The following CPPED1 variants were observed in gnomAD, a reference collection of about 807,000 sequenced individuals.
CPPED1 encodes calcineurin like phosphoesterase domain containing 1.
A neutral mutation model predicts 28.0 loss-of-function variants in CPPED1; 28 were observed. That is an observed-to-expected ratio of 1.00 (90% CI 0.74 to 1.37). The LOEUF is 1.37. Among genes scored for constraint, CPPED1 ranks in the 40% most tolerant of loss-of-function variants. CPPED1 has a pLI of 0.00. For synonymous variants in CPPED1, 198 were observed against 180.2 expected, an observed-to-expected ratio of 1.10 and a Z score of -0.79; for missense variants, 504 against 416.5, an observed-to-expected ratio of 1.21 and a Z score of -1.83.
At chr16:12,687,206 C>G (rs1048022098) in intron 3 of CPPED1, among the ~76,000 whole-genome samples, 3 of 151,968 alleles carry the variant, frequency 2.0e-5, no homozygotes, top group African/African-American at 7.3e-5. Flanking sequence ...ATTATTTTTT[C>G]ATGTTTTGAG....
chr16:12,724,161 T>C (rs2080156958), intron 2 of CPPED1, among the ~76,000 whole-genome samples: 1 of 152,172 alleles, frequency 6.6e-6, no homozygotes. Context: ...AGACACCTCC[T>C]GTGTTCACAG....
At chr16:12,801,767 T>A (rs2080661153) in intron 1 of CPPED1, among the ~76,000 whole-genome samples, 1 of 152,166 alleles carries the variant, frequency 6.6e-6, no homozygotes, top group Non-Finnish European at 1.5e-5. Flanking sequence ...AGGATGATTT[T>A]AAAAAGGGTT....
intron 2 of CPPED1, among the ~76,000 whole-genome samples, chr16:12,774,896 A>G (rs923159241): frequency 6.6e-6 from 1 of 152,162 alleles, no homozygotes; most frequent in Non-Finnish European, 1.5e-5. Context: ...ATCACGGCTC[A>G]CTGAAGCTTG....
chr16:12,681,728 A>G (rs979990944), intron 3 of CPPED1, among the ~76,000 whole-genome samples: 8 of 152,114 alleles, frequency 5.3e-5, no homozygotes, highest in African/African-American at 1.9e-4. Flanking sequence ...GAAGAGGTTC[A>G]GTGGTCACAG....
intron 3 of CPPED1, among the ~76,000 whole-genome samples, chr16:12,678,538 C>T (rs2079889659): frequency 6.6e-6 from 1 of 152,174 alleles, no homozygotes; most frequent in South Asian, 2.1e-4. Flanking sequence ...TGAACATGGT[C>T]TACTTTTCCA....
At chr16:12,743,406 G>C (rs1437749315) in intron 2 of CPPED1, among the ~76,000 whole-genome samples, 1 of 152,142 alleles carries the variant, frequency 6.6e-6, no homozygotes, top group Non-Finnish European at 1.5e-5. Context: ...CTATCTTTAT[G>C]ACCTCAGGAT....
chr16:12,771,736 G>A (rs547588221), intron 2 of CPPED1, among the ~76,000 whole-genome samples: 1 of 152,264 alleles, frequency 6.6e-6, no homozygotes, highest in East Asian at 1.9e-4. Flanking sequence ...AAAACAAAGG[G>A]CTTTATTCTT....
intron 2 of CPPED1, among the ~76,000 whole-genome samples, chr16:12,755,133 G>C (rs1342294759): frequency 6.6e-6 from 1 of 152,142 alleles, no homozygotes; most frequent in Non-Finnish European, 1.5e-5. Flanking sequence ...TGGACATAAA[G>C]TGGCAAAAAT....
intron 2 of CPPED1, among the ~76,000 whole-genome samples, chr16:12,726,384 C>A (rs1053089647): frequency 6.9e-6 from 1 of 145,698 alleles, no homozygotes; most frequent in African/African-American, 2.6e-5. Context: ...ACTCTGTTGC[C>A]CAGGCTGGAG....
chr16:12,777,077 G>C (rs990478003), intron 2 of CPPED1, among the ~76,000 whole-genome samples: 1 of 152,156 alleles, frequency 6.6e-6, no homozygotes, highest in Admixed American at 6.5e-5. Flanking sequence ...ACTAAAGCAG[G>C]CTTGCCTCCC....
At chr16:12,754,266 G>C (rs566515830) in intron 2 of CPPED1, among the ~76,000 whole-genome samples, 3 of 152,206 alleles carry the variant, frequency 2.0e-5, no homozygotes, top group African/African-American at 4.8e-5. Flanking sequence ...AGAACATTTC[G>C]ACAGAGTGTT....
chr16:12,721,749 G>A (rs1215262517), intron 2 of CPPED1, among the ~76,000 whole-genome samples: 1 of 145,620 alleles, frequency 6.9e-6, no homozygotes, highest in Non-Finnish European at 1.5e-5. Flanking sequence ...GCAAGATTCC[G>A]TCTTAAAAAA....
chr16:12,667,814 A>G (rs549921189), intron 3 of CPPED1, among the ~76,000 whole-genome samples: 2 of 152,294 alleles, frequency 1.3e-5, no homozygotes, highest in African/African-American at 4.8e-5. Flanking sequence ...AGGAGAAAAT[A>G]ATAGTGAGAA....
chr16:12,751,934 T>C (rs994046216), intron 2 of CPPED1, among the ~76,000 whole-genome samples: 2 of 152,144 alleles, frequency 1.3e-5, no homozygotes, highest in African/African-American at 4.8e-5. Context: ...ATAAAATAAA[T>C]GAGAAATGTC....
chr16:12,664,735 G>A lies in CPPED1; in HGVS notation c.*151C>T. 2 of 1,484,324 alleles carry A rather than the reference G, an allele frequency of 1.3e-6. No homozygotes were observed. Among genetic ancestry groups the A allele is most frequent in the Non-Finnish European group, 1.8e-6 (2 of 1,130,000 alleles). 91.9% of individuals were successfully genotyped at this position (1,484,324 alleles called of 1,614,324 possible). ...TATTTTGAATATAATTCAGGACAGG[G>A]CCCCAGCTCTCTGATTTATGCAAAA... On this transcript the variant is annotated 3_prime_UTR_variant, in exon 4 of 4. Coordinates refer to ENST00000381774, the MANE Select transcript of CPPED1 (RefSeq NM_018340.3). The surrounding 1 kb of genome is among the most constrained non-coding windows in gnomAD (Gnocchi z 4.2).
chr16:12,751,536 C>T (rs150246443), intron 2 of CPPED1, among the ~76,000 whole-genome samples: 101 of 152,270 alleles, frequency 6.6e-4, no homozygotes, highest in African/African-American at 2.3e-3. Flanking sequence ...CTCCTGCAGC[C>T]ATTTTGTAAG....
At chr16:12,685,910 G>C (rs1200128344) in intron 3 of CPPED1, among the ~76,000 whole-genome samples, 1 of 152,190 alleles carries the variant, frequency 6.6e-6, no homozygotes, top group African/African-American at 2.4e-5. Context: ...CAATGTGAAT[G>C]AATGTGACGT....
At chr16:12,712,364 T>C (rs969697546) in intron 2 of CPPED1, among the ~76,000 whole-genome samples, 1 of 152,156 alleles carries the variant, frequency 6.6e-6, no homozygotes, top group African/African-American at 2.4e-5. Context: ...AGGGGGCAAG[T>C]AGAACTCCTT....
chr16:12,762,471 G>C (rs1305285830), intron 2 of CPPED1, among the ~76,000 whole-genome samples: 1 of 152,142 alleles, frequency 6.6e-6, no homozygotes, highest in Non-Finnish European at 1.5e-5. Context: ...ATAAAAAGTA[G>C]TAGCAGTAGA....
Sources: gnomAD v4.1 joint callset for allele counts (sites outside exome capture counted in the v4.1 genomes callset) on GRCh38, gnomAD v4.1.1 for gene constraint, Gnocchi (gnomAD v3.1) non-coding constraint, MANE v1.5 for transcripts, NCBI Gene and HGNC (gene_info 2026-07-23, HGNC 2026-07-21) for gene names.